The following HMGXB4 variants were observed in gnomAD, a reference collection of about 807,000 sequenced individuals.
HMGXB4 encodes the protein HMG domain-containing protein 4.
In HMGXB4, 27 loss-of-function variants were observed where a neutral mutation model predicts 63.9. The observed-to-expected ratio is 0.42, with a 90% confidence interval of 0.31 to 0.58. HMGXB4 has a LOEUF of 0.58. HMGXB4 is among the 20% of genes least tolerant of loss of function. The probability of loss-of-function intolerance (pLI) is 0.13; values close to 1 mark genes in which losing one functional copy is unlikely to be tolerated. For synonymous variants in HMGXB4, 264 were observed against 265.3 expected (o/e 0.99, Z 0.05); for missense variants, 624 against 700.7 (o/e 0.89, Z 1.24).
At chr22:35,279,370 C>T (rs1471946432) in intron 5 of HMGXB4, among the ~76,000 whole-genome samples, 1 of 151,984 alleles carries the variant, frequency 6.6e-6, no homozygotes, top group African/African-American at 2.4e-5. Flanking sequence ...AACTCCCGAC[C>T]TCAGATGATC....
chr22:35,287,228 T>G, intron 7 of HMGXB4, 119 bp from the exon 8 acceptor site: 1 of 747,000 alleles, frequency 1.3e-6, no homozygotes, highest in Non-Finnish European at 2.3e-6. Flanking sequence ...GCATTAACCC[T>G]CTGTCTGCCC....
intron 1 of HMGXB4, chr22:35,258,087 T>C (rs1391910637): frequency 6.6e-6 from 1 of 152,182 alleles, no homozygotes; most frequent in Non-Finnish European, 1.5e-5. Flanking sequence ...TCACAGAGCT[T>C]TGTTGAGCTA....
chr22:35,266,340 A>C (rs1197843364), intron 5 of HMGXB4, among the ~76,000 whole-genome samples: 1 of 152,230 alleles, frequency 6.6e-6, no homozygotes, highest in African/African-American at 2.4e-5. Context: ...ACTTTCCACC[A>C]GCTGGTGTTG....
chr22:35,247,078 C>CT, the HMGXB4 span, among the ~76,000 whole-genome samples: 1 of 152,160 alleles, frequency 6.6e-6, no homozygotes, highest in Non-Finnish European at 1.5e-5. Flanking sequence ...CATTTTCCTG[C>CT]TTTTTTTCCA....
At chr22:35,252,556 A>T (rs1922234862), upstream of HMGXB4, among the ~76,000 whole-genome samples, 1 of 152,226 alleles carries the variant, frequency 6.6e-6, no homozygotes, top group African/African-American at 2.4e-5. Flanking sequence ...TTTAAGACTG[A>T]GTAATATCCC....
intron 5 of HMGXB4, among the ~76,000 whole-genome samples, chr22:35,277,546 A>G (rs748969093): frequency 8.6e-5 from 13 of 152,006 alleles, no homozygotes; most frequent in Non-Finnish European, 1.8e-4. Flanking sequence ...ATGGGGTTTC[A>G]CCATATTGGC....
At chr22:35,258,320 A>C (rs1922593222) in intron 1 of HMGXB4, 1 of 152,174 alleles carries the variant, frequency 6.6e-6, no homozygotes, top group Non-Finnish European at 1.5e-5. Context: ...GCAAAAGCGG[A>C]GAAACATCTC....
chr22:35,243,759 G>A, the HMGXB4 span, among the ~76,000 whole-genome samples: 1 of 152,152 alleles, frequency 6.6e-6, no homozygotes, highest in East Asian at 1.9e-4. Context: ...GTCCAGGCTG[G>A]TCTCAAAGTC....
At chr22:35,263,299 T>TG in intron 3 of HMGXB4, 73 bp downstream of exon 3, 2 of 1,302,908 alleles carry the variant, frequency 1.5e-6, no homozygotes, top group Non-Finnish European at 1.1e-6. Flanking sequence ...AGTTTTTTTT[T>TG]GTTTTTTTTT....
intron 5 of HMGXB4, among the ~76,000 whole-genome samples, chr22:35,283,608 G>A (rs1601640351): frequency 6.6e-6 from 1 of 152,084 alleles, no homozygotes; most frequent in African/African-American, 2.4e-5. Context: ...TGGCCAACAT[G>A]GTGAAACCCC....
At chr22:35,255,083 C>G (rs1249091228), upstream of HMGXB4, among the ~76,000 whole-genome samples, 1 of 152,146 alleles carries the variant, frequency 6.6e-6, no homozygotes, top group Admixed American at 6.5e-5. Flanking sequence ...TTTAACCAAT[C>G]AGCAGCAGCA....
At chr22:35,253,144 A>AAGAAAAAAG (rs1555886255), upstream of HMGXB4, among the ~76,000 whole-genome samples, 57 of 125,316 alleles carry the variant, frequency 4.5e-4, no homozygotes, top group Non-Finnish European at 8.1e-4. Flanking sequence ...AAAAAAAAAA[A>AAGAAAAAAG]AAAAAAGAAA....
the HMGXB4 span, among the ~76,000 whole-genome samples, chr22:35,248,067 T>C: frequency 1.3e-5 from 2 of 152,228 alleles, no homozygotes; most frequent in East Asian, 3.9e-4. Flanking sequence ...CTGAATACTG[T>C]AGGCAATTGT....
At chr22:35,286,872 A>AAT (rs1924616098) in intron 7 of HMGXB4, 1 of 133,650 alleles carries the variant, frequency 7.5e-6, no homozygotes, top group Non-Finnish European at 1.7e-5. Flanking sequence ...AAAAAAAAAA[A>AAT]GTCATATCTG....
intron 8 of HMGXB4, among the ~76,000 whole-genome samples, chr22:35,287,994 CG>C (rs2145569913): frequency 6.6e-6 from 1 of 152,174 alleles, no homozygotes; most frequent in Admixed American, 6.5e-5. Context: ...CCTTGTGTGC[CG>C]TATGCATTCT....
chr22:35,262,777 C>G (rs1408354796), intron 2 of HMGXB4: 1 of 510,268 alleles, frequency 2.0e-6, no homozygotes, highest in Non-Finnish European at 3.5e-6. Flanking sequence ...TCTTTTCAGC[C>G]TTTCGTCTGC....
chr22:35,292,790 C>T (rs993708732), intron 9 of HMGXB4, among the ~76,000 whole-genome samples: 3 of 152,288 alleles, frequency 2.0e-5, no homozygotes, highest in African/African-American at 4.8e-5. Context: ...GCTAGGATTA[C>T]GGAAAGGGAA....
intron 9 of HMGXB4, among the ~76,000 whole-genome samples, chr22:35,292,756 G>A (rs1294037242): frequency 1.3e-5 from 2 of 152,308 alleles, no homozygotes; most frequent in East Asian, 3.9e-4. Context: ...ACTCCCCAAG[G>A]TCACTCAGAA....
At chr22:35,277,869 C>G (rs1924006683) in intron 5 of HMGXB4, among the ~76,000 whole-genome samples, 1 of 152,156 alleles carries the variant, frequency 6.6e-6, no homozygotes, top group African/African-American at 2.4e-5. Flanking sequence ...CATTATCACC[C>G]AGAGTCCATA....
Sources: gnomAD v4.1 joint callset for allele counts (sites outside exome capture counted in the v4.1 genomes callset) on GRCh38, gnomAD v4.1.1 for gene constraint, MANE v1.5 for transcripts, NCBI Gene and HGNC (gene_info 2026-07-23, HGNC 2026-07-21) for gene names.